Variants in DYRK1A observed in about 807,000 individuals in gnomAD.
DYRK1A encodes the protein dual specificity tyrosine phosphorylation regulated kinase 1A.
Under a neutral mutation model 79.7 loss-of-function variants are expected in DYRK1A, and 9 were observed. The observed-to-expected ratio is 0.11, with a 90% CI of 0.07 to 0.20. DYRK1A has a LOEUF of 0.20. Among genes scored for constraint, DYRK1A ranks in the 10% least tolerant of loss-of-function variants. DYRK1A has a pLI of 1.00. For missense variants in DYRK1A, 622 were observed against 956.0 expected (o/e 0.65, Z 4.61); for synonymous variants, 349 against 329.7 (o/e 1.06, Z -0.63).
chr21:37,486,662 C>CT, intron 6 of DYRK1A, 48 bp downstream of exon 6: 1 of 1,382,162 alleles, frequency 7.2e-7, no homozygotes, highest in Non-Finnish European at 9.5e-7. Context: ...CACACCAAAA[C>CT]TTTGAGTTAA....
chr21:37,488,684 A>C, intron 6 of DYRK1A: 1 of 985,406 alleles, frequency 1.0e-6, no homozygotes, highest in Non-Finnish European at 1.2e-6. Context: ...ATGAATAAAG[A>C]ATTGTGAGGT....
At chr21:37,502,869 T>C (rs1334564215) in intron 9 of DYRK1A, 1 of 152,192 alleles carries the variant, frequency 6.6e-6, no homozygotes, top group Non-Finnish European at 1.5e-5. Context: ...ATATTTTCAG[T>C]GAATATAGAA....
chr21:37,474,911 T>A (rs1167535844), intron 3 of DYRK1A, among the ~76,000 whole-genome samples: 1 of 152,166 alleles, frequency 6.6e-6, no homozygotes, highest in East Asian at 1.9e-4. Context: ...TTATTAATGC[T>A]CTCAAAATAA....
At chr21:37,412,201 T>C (rs759275576) in intron 1 of DYRK1A, among the ~76,000 whole-genome samples, 11 of 152,152 alleles carry the variant, frequency 7.2e-5, no homozygotes, top group Non-Finnish European at 1.3e-4. Flanking sequence ...AAATAAACAC[T>C]AATGCAGAAG....
At chr21:37,371,322 C>T (rs903461286) in intron 1 of DYRK1A, among the ~76,000 whole-genome samples, 2 of 151,848 alleles carry the variant, frequency 1.3e-5, no homozygotes, top group African/African-American at 4.9e-5. Flanking sequence ...TACCAGCAGC[C>T]TTAGTTTGAT....
chr21:37,455,385 A>G (rs2051603070), intron 2 of DYRK1A, among the ~76,000 whole-genome samples: 1 of 152,178 alleles, frequency 6.6e-6, no homozygotes, highest in Admixed American at 6.5e-5. Context: ...AATAAGATGG[A>G]AACTGCTGAT....
chr21:37,489,499 C>G (rs1421647249), intron 6 of DYRK1A, among the ~76,000 whole-genome samples: 1 of 152,058 alleles, frequency 6.6e-6, no homozygotes, highest in East Asian at 1.9e-4. Flanking sequence ...TGTAGCTGAG[C>G]TTTATTTTGA....
At chr21:37,447,157 G>T (rs1237140748) in intron 2 of DYRK1A, among the ~76,000 whole-genome samples, 1 of 152,072 alleles carries the variant, frequency 6.6e-6, no homozygotes, top group Non-Finnish European at 1.5e-5. Context: ...TGGATCTCAG[G>T]AGGTGAGTTG....
At chr21:37,447,524 G>A (rs963367445) in intron 2 of DYRK1A, among the ~76,000 whole-genome samples, 1 of 152,034 alleles carries the variant, frequency 6.6e-6, no homozygotes, top group Admixed American at 6.5e-5. Context: ...TATATCTGTG[G>A]CTGCTTTTGT....
At chr21:37,468,235 CTGAG>C (rs2052100444) in intron 2 of DYRK1A, among the ~76,000 whole-genome samples, 1 of 151,986 alleles carries the variant, frequency 6.6e-6, no homozygotes, top group African/African-American at 2.4e-5. Flanking sequence ...CCCGAGCCTC[CTGAG>C]TAATTGGAAC....
At chr21:37,509,190 A>G (rs567994996) in intron 11 of DYRK1A, among the ~76,000 whole-genome samples, 4 of 152,216 alleles carry the variant, frequency 2.6e-5, no homozygotes, top group South Asian at 4.1e-4. Context: ...TTTTTTGTAT[A>G]CTTTTTGAGA....
At chr21:37,388,713 C>T (rs756234673) in intron 1 of DYRK1A, among the ~76,000 whole-genome samples, 11 of 149,152 alleles carry the variant, frequency 7.4e-5, no homozygotes, top group African/African-American at 1.2e-4. Context: ...GGGGTGATCT[C>T]GGCTCACTGC....
At position 37,515,770 on chromosome 21, in the gene DYRK1A, A is replaced by G. The variant is rs933776328; in HGVS notation, c.*3239A>G. 1.3e-5 allele frequency: 2 copies of G among 152,034 alleles called. No individual in the cohort carries two copies. Among genetic ancestry groups the G allele is most frequent in the Non-Finnish European group, 2.9e-5 (2 of 67,992 alleles). The allele number at this position is 152,034 out of a possible 1,614,324, so 9.4% of individuals were successfully genotyped here. On this transcript the variant is annotated 3_prime_UTR_variant, in exon 12 of 12. Transcript: ENST00000647188. ...AGTTAACCACATGTAAGAAAGGAAA[A>G]CTTCCATTAGTTTTCTTCTTAGGGT...
intron 1 of DYRK1A, among the ~76,000 whole-genome samples, chr21:37,379,918 C>G (rs140143164): frequency 5.0e-4 from 76 of 152,318 alleles, no homozygotes; most frequent in African/African-American, 1.8e-3. Context: ...AGTGCTGAAA[C>G]AAAGGCCACT....
chr21:37,379,894 G>A (rs1161204453), intron 1 of DYRK1A, among the ~76,000 whole-genome samples: 2 of 152,138 alleles, frequency 1.3e-5, no homozygotes, highest in Admixed American at 1.3e-4. Context: ...AGAAAAACCT[G>A]GGGCCTGGGA....
At chr21:37,404,941 A>G (rs1219854887) in intron 1 of DYRK1A, among the ~76,000 whole-genome samples, 1 of 152,138 alleles carries the variant, frequency 6.6e-6, no homozygotes, top group African/African-American at 2.4e-5. Context: ...TGGATTTAGA[A>G]TGGTTCAGTA....
chr21:37,494,284 A>T (rs1476534359), intron 8 of DYRK1A, among the ~76,000 whole-genome samples: 1 of 151,508 alleles, frequency 6.6e-6, no homozygotes, highest in African/African-American at 2.4e-5. Context: ...CTTACTGTGT[A>T]AATTAGTATC....
In DYRK1A at chr21:37,522,361, C is replaced by T. The variant is rs1423083123; in HGVS notation, c.*9830C>T. On this transcript the variant is annotated 3_prime_UTR_variant, in exon 12 of 12. Coordinates refer to ENST00000647188, the MANE Select transcript of DYRK1A (RefSeq NM_001347721.2). ...CTCACTTTAGAGTGAGAAAACTTAA[C>T]AGGTTTAAGCAACTTGCAGAAGATG... 1 of 152,208 alleles carries T rather than the reference C, an allele frequency of 6.6e-6. No individual in the cohort carries two copies. Among genetic ancestry groups the T allele is most frequent in the African/African-American group, 2.4e-5 (1 of 41,436 alleles). The allele number at this position is 152,208 out of a possible 1,614,324, so 9.4% of individuals were successfully genotyped here. A position where few individuals can be genotyped will look rare whatever the true frequency, so the allele number is the denominator to read the frequency against.
intron 1 of DYRK1A, among the ~76,000 whole-genome samples, chr21:37,377,612 G>T (rs981774875): frequency 3.3e-5 from 5 of 152,048 alleles, no homozygotes; most frequent in African/African-American, 1.2e-4. Flanking sequence ...GAGATTATAG[G>T]TGTACACCAC....
Sources: gnomAD v4.1 joint callset for allele counts (sites outside exome capture counted in the v4.1 genomes callset) on GRCh38, gnomAD v4.1.1 for gene constraint, MANE v1.5 for transcripts, NCBI Gene and HGNC (gene_info 2026-07-23, HGNC 2026-07-21) for gene names.